ANKRD6: variants seen among roughly 807,000 people sequenced by gnomAD.
ANKRD6 encodes the protein ankyrin repeat domain 6.
ANKRD6 carries 56 observed loss-of-function variants against 82.3 expected under a neutral mutation model. That is an observed-to-expected ratio of 0.68 (90% CI 0.55 to 0.85). The LOEUF (loss-of-function observed/expected upper bound fraction) is 0.85. Among genes scored for constraint, ANKRD6 ranks in the 40% least tolerant of loss-of-function variants. The pLI, the probability that ANKRD6 is intolerant of heterozygous loss-of-function variation, is 0.00. For synonymous variants in ANKRD6, 347 were observed against 352.1 expected, an observed-to-expected ratio of 0.99 and a Z score of 0.16; for missense variants, 852 against 907.6, an observed-to-expected ratio of 0.94 and a Z score of 0.79.
intron 1 of ANKRD6, among the ~76,000 whole-genome samples, chr6:89,566,153 C>G (rs1236945193): frequency 6.6e-6 from 1 of 152,262 alleles, no homozygotes; most frequent in Non-Finnish European, 1.5e-5. Flanking sequence ...TGACCAGCCC[C>G]CTGCATTGGC....
chr6:89,579,508 T>C (rs1430743183), intron 2 of ANKRD6, among the ~76,000 whole-genome samples: 1 of 152,122 alleles, frequency 6.6e-6, no homozygotes, highest in Non-Finnish European at 1.5e-5. Flanking sequence ...CAGTGGCTCA[T>C]GCCTGTAATC....
intron 1 of ANKRD6, chr6:89,560,864 G>A (rs1787304569): frequency 6.6e-6 from 1 of 152,344 alleles, no homozygotes; most frequent in Admixed American, 6.5e-5. Flanking sequence ...GTGCACAGAT[G>A]AGGGAATGGT....
At chr6:89,435,241 T>C (rs909444924) in intron 1 of ANKRD6, among the ~76,000 whole-genome samples, 1 of 152,148 alleles carries the variant, frequency 6.6e-6, no homozygotes, top group African/African-American at 2.4e-5. Context: ...TAGAGTGCAA[T>C]GTAAAGAATA....
intron 1 of ANKRD6, among the ~76,000 whole-genome samples, chr6:89,436,921 T>A (rs1472257325): frequency 6.6e-6 from 1 of 152,172 alleles, no homozygotes; most frequent in Non-Finnish European, 1.5e-5. Context: ...CTCTCTTTTA[T>A]AGGGAAGTGT....
At chr6:89,546,644 G>A (rs748079131) in intron 1 of ANKRD6, among the ~76,000 whole-genome samples, 1 of 152,112 alleles carries the variant, frequency 6.6e-6, no homozygotes, top group Non-Finnish European at 1.5e-5. Flanking sequence ...TGTATTTTTA[G>A]TAGAGACAGG....
chr6:89,550,903 C>G (rs1272794201), intron 1 of ANKRD6, among the ~76,000 whole-genome samples: 3 of 151,974 alleles, frequency 2.0e-5, no homozygotes, highest in Non-Finnish European at 4.4e-5. Flanking sequence ...CTGCAGTGAG[C>G]AGAGACTGCA....
At chr6:89,562,374 C>A (rs889928554) in intron 1 of ANKRD6, 2 of 152,262 alleles carry the variant, frequency 1.3e-5, no homozygotes, top group Non-Finnish European at 2.9e-5. Context: ...GCTGCTCCCA[C>A]AAAGCAAGCA....
Position 89,617,812 on chromosome 6 carries a change from T to C in ANKRD6, c.715-142T>C, listed in dbSNP as rs1801971101. On this transcript the variant is annotated intron_variant, in intron 8 of 15. Coordinates refer to ENST00000339746, the MANE Select transcript of ANKRD6 (RefSeq NM_001242809.2). ...GGCTGATGACCAGGGCCATATCACA[T>C]AGGTGGCCATGTTTTGCCACGTAGG... 7 of 725,698 alleles carry C rather than the reference T, an allele frequency of 9.6e-6. No individual in the cohort carries two copies. In the South Asian group the frequency reaches 1.2e-4, roughly 12 times the overall value. The allele number at this position is 725,698 out of a possible 1,614,324, so 45.0% of individuals were successfully genotyped here.
intron 1 of ANKRD6, among the ~76,000 whole-genome samples, chr6:89,450,743 C>T (rs1429713364): frequency 2.6e-5 from 4 of 151,796 alleles, no homozygotes; most frequent in Non-Finnish European, 5.9e-5. Context: ...ATCTCCTGGG[C>T]TCCTGCTTTG....
chr6:89,545,236 GA>G, intron 1 of ANKRD6, among the ~76,000 whole-genome samples: 1 of 142,462 alleles, frequency 7.0e-6, no homozygotes, highest in South Asian at 2.4e-4. Context: ...AAAAAGAAAA[GA>G]AAAAGGGCTG....
intron 14 of ANKRD6, among the ~76,000 whole-genome samples, 156 bp downstream of exon 14, chr6:89,627,852 T>C (rs555160671): frequency 1.1e-4 from 17 of 152,320 alleles, no homozygotes; most frequent in South Asian, 2.1e-4. Context: ...ATGAGGTTAA[T>C]AGAAAAGAAC....
rs765005357 is a variant in ANKRD6 at position 89,613,785 on chromosome 6, T to C, written c.517-7T>C. 3.1e-6 allele frequency: 5 copies of C among 1,613,034 alleles called. No individual in the cohort carries two copies. Among genetic ancestry groups the C allele is most frequent in the Non-Finnish European group, 4.2e-6 (5 of 1,179,584 alleles). On this transcript the variant is annotated splice_polypyrimidine_tract_variant and splice_region_variant and intron_variant, in intron 6 of 15. Coordinates refer to ENST00000339746, the MANE Select transcript of ANKRD6 (RefSeq NM_001242809.2). ...GATTGTGCTTAGAGTTTGATTTTTG[T>C]CCGCAGGCAGGAGACACCTGTTTGC...
intron 1 of ANKRD6, among the ~76,000 whole-genome samples, chr6:89,463,222 A>G (rs966893252): frequency 5.3e-5 from 8 of 152,032 alleles, no homozygotes; most frequent in Middle Eastern, 3.4e-3. Flanking sequence ...CAGTTTTATC[A>G]CTTATTTTTT....
At chr6:89,587,190 C>CA (rs36065437) in intron 2 of ANKRD6, among the ~76,000 whole-genome samples, 18,520 of 83,988 alleles carry the variant, frequency 0.22, 1,682 homozygotes, top group Non-Finnish European at 0.26. Flanking sequence ...AACTCCGTCT[C>CA]AAAAAAAAAA....
intron 1 of ANKRD6, among the ~76,000 whole-genome samples, chr6:89,448,573 G>A (rs925474559): frequency 4.6e-5 from 7 of 152,104 alleles, no homozygotes; most frequent in Non-Finnish European, 1.0e-4. Flanking sequence ...CTACTGCTTA[G>A]AAAACAAGAT....
Position 89,632,598 on chromosome 6 carries a change from T to C in ANKRD6, c.*1594T>C, listed in dbSNP as rs1405074225. Reference sequence around the variant, plus strand: ...AGTCCTGGCTAATTTTTTGTAGATATAAGGTCTCATGATATTGCCCAGGCT... The same window carrying C: ...AGTCCTGGCTAATTTTTTGTAGATACAAGGTCTCATGATATTGCCCAGGCT... On this transcript the variant is annotated 3_prime_UTR_variant, in exon 16 of 16. Coordinates refer to ENST00000339746, the MANE Select transcript of ANKRD6 (RefSeq NM_001242809.2). 1.3e-5 allele frequency: 2 copies of C among 152,180 alleles called. No individual in the cohort carries two copies. The highest frequency in any genetic ancestry group is 2.9e-5 in the Non-Finnish European group (2 of 68,032). The allele number at this position is 152,180 out of a possible 1,614,324, so 9.4% of individuals were successfully genotyped here. A position where few individuals can be genotyped will look rare whatever the true frequency, so the allele number is the denominator to read the frequency against.
chr6:89,598,967 C>G (rs1796483971), intron 3 of ANKRD6, among the ~76,000 whole-genome samples: 1 of 152,090 alleles, frequency 6.6e-6, no homozygotes, highest in African/African-American at 2.4e-5. Flanking sequence ...GTGCAAAGAG[C>G]CTTGACAATT....
At chr6:89,607,830 T>C (rs1799166413) in intron 5 of ANKRD6, among the ~76,000 whole-genome samples, 1 of 145,316 alleles carries the variant, frequency 6.9e-6, no homozygotes, top group African/African-American at 2.8e-5. Flanking sequence ...CCATTTTTAG[T>C]AGAGATGGGG....
At chr6:89,619,989 T>G (rs1218589567) in intron 9 of ANKRD6, 1 of 152,272 alleles carries the variant, frequency 6.6e-6, no homozygotes, top group Non-Finnish European at 1.5e-5. Flanking sequence ...GTAGCTGGGA[T>G]TACAGGTGCC....
Sources: allele counts gnomAD v4.1 joint callset (sites outside exome capture counted in the v4.1 genomes callset), GRCh38; gene constraint gnomAD v4.1.1; transcripts MANE v1.5; gene names NCBI Gene and HGNC (gene_info 2026-07-23, HGNC 2026-07-21).